The following HS6ST2 variants were observed in gnomAD, a reference collection of about 807,000 sequenced individuals.
HS6ST2 encodes the protein heparan-sulfate 6-O-sulfotransferase 2.
Under a neutral mutation model 33.0 loss-of-function variants are expected in HS6ST2, and 17 were observed. That is an observed-to-expected ratio of 0.52 (90% CI 0.35 to 0.77). The LOEUF (loss-of-function observed/expected upper bound fraction) is 0.77. HS6ST2 is among the 30% of genes least tolerant of loss of function. The pLI is 0.01. For missense variants in HS6ST2, 519 were observed against 551.7 expected, an observed-to-expected ratio of 0.94 and a Z score of 0.59; for synonymous variants, 248 against 237.1, an observed-to-expected ratio of 1.05 and a Z score of -0.42.
At chrX:132,841,076 A>G (rs2065702984) in intron 2 of HS6ST2, among the ~76,000 whole-genome samples, 1 of 111,925 alleles carries the variant, frequency 8.9e-6, no homozygotes, top group Non-Finnish European at 1.9e-5. Flanking sequence ...CAATCACCCA[A>G]TTTCATACTT....
At chrX:132,938,458 T>A (rs934773443) in intron 2 of HS6ST2, among the ~76,000 whole-genome samples, 1 of 109,560 alleles carries the variant, frequency 9.1e-6, no homozygotes, top group African/African-American at 3.3e-5. Context: ...CTGGGCAACA[T>A]AGCAAGACCC....
intron 3 of HS6ST2, among the ~76,000 whole-genome samples, chrX:132,690,472 T>C (rs1488212521): frequency 4.3e-4 from 48 of 112,173 alleles, no homozygotes; most frequent in Non-Finnish European, 1.9e-4. Context: ...GTAGGAATTT[T>C]GAAAAAAGAG....
chrX:132,821,314 G>A (rs1029685128), intron 2 of HS6ST2, among the ~76,000 whole-genome samples: 6 of 103,794 alleles, frequency 5.8e-5, no homozygotes, highest in Admixed American at 1.1e-4. Flanking sequence ...CCGGGTTCAC[G>A]CCATTCTCCT....
chrX:132,896,384 TG>T (rs1326747862), intron 2 of HS6ST2, among the ~76,000 whole-genome samples: 2 of 108,101 alleles, frequency 1.9e-5, no homozygotes, highest in African/African-American at 6.8e-5. Context: ...GGTGGGAGAA[TG>T]TCATAAACCC....
At position 132,638,993 on chromosome X, in the gene HS6ST2, A is replaced by C. The variant is rs148896455; in HGVS notation, c.1068-9900T>G. Among the ~76,000 whole-genome samples, 75 of 112,406 alleles carry C rather than the reference A, an allele frequency of 6.7e-4. No individual in the cohort carries two copies. The East Asian group carries it at 0.011, about 16-fold the overall frequency. ...AAACCCATCTGTGTGTATTGTGGGGAGTGCTCAAAGGAGCACAAATGGGCT... is the reference window on the plus strand; with the variant it reads ...AAACCCATCTGTGTGTATTGTGGGGCGTGCTCAAAGGAGCACAAATGGGCT... On this transcript the variant is annotated intron_variant, in intron 4 of 4. Coordinates refer to ENST00000370833, the MANE Select transcript of HS6ST2 (RefSeq NM_001394073.1).
At chrX:132,630,743 T>G (rs1024460561) in intron 4 of HS6ST2, among the ~76,000 whole-genome samples, 4 of 111,125 alleles carry the variant, frequency 3.6e-5, no homozygotes, top group African/African-American at 1.3e-4. Context: ...GGTAAGGAGT[T>G]TGAGACCAGC....
intron 2 of HS6ST2, among the ~76,000 whole-genome samples, chrX:132,930,522 T>C (rs1432056849): frequency 9.0e-6 from 1 of 110,872 alleles, no homozygotes; most frequent in Non-Finnish European, 1.9e-5. Flanking sequence ...ACCAGAGACA[T>C]TGAGGCAGGC....
chrX:132,907,711 C>T (rs1031460802), intron 2 of HS6ST2: 1 of 111,720 alleles, frequency 9.0e-6, no homozygotes, highest in Non-Finnish European at 1.9e-5. Context: ...TGGGTCAAGT[C>T]GACGTCCACA....
intron 2 of HS6ST2, among the ~76,000 whole-genome samples, chrX:132,866,064 T>C (rs1156447916): frequency 9.0e-6 from 1 of 111,019 alleles, no homozygotes; most frequent in Non-Finnish European, 1.9e-5. Flanking sequence ...CATGCCTATG[T>C]CCTGAATGGT....
chrX:132,636,708 C>T (rs2148600530), intron 4 of HS6ST2, among the ~76,000 whole-genome samples: 1 of 111,361 alleles, frequency 9.0e-6, no homozygotes, highest in African/African-American at 3.3e-5. Flanking sequence ...ATTTCTGGGC[C>T]GAAGTCCTGT....
At chrX:132,872,263 C>G (rs746919206) in intron 2 of HS6ST2, among the ~76,000 whole-genome samples, 1 of 111,900 alleles carries the variant, frequency 8.9e-6, no homozygotes, top group Non-Finnish European at 1.9e-5. Context: ...TAAATAAGGT[C>G]CTTGTACTAG....
chrX:132,865,950 A>G (rs376522837), intron 2 of HS6ST2, among the ~76,000 whole-genome samples: 43 of 111,332 alleles, frequency 3.9e-4, no homozygotes, highest in Non-Finnish European at 7.4e-4. Context: ...TCTGATGGTA[A>G]TTTCTTTTTC....
chrX:132,672,149 T>C (rs1364739899), intron 3 of HS6ST2, among the ~76,000 whole-genome samples: 1 of 111,287 alleles, frequency 9.0e-6, no homozygotes, highest in Non-Finnish European at 1.9e-5. Flanking sequence ...CTGCAGACTG[T>C]CTGGGAACTT....
intron 2 of HS6ST2, among the ~76,000 whole-genome samples, chrX:132,773,584 T>C (rs1196181250): frequency 9.0e-6 from 1 of 111,328 alleles, no homozygotes; most frequent in Admixed American, 9.7e-5. Context: ...CAAATGTCCA[T>C]CAATGGATAA....
intron 2 of HS6ST2, among the ~76,000 whole-genome samples, chrX:132,817,672 G>A (rs1198847157): frequency 8.9e-6 from 1 of 111,773 alleles, no homozygotes; most frequent in African/African-American, 3.3e-5. Flanking sequence ...ATCCCATTAT[G>A]TGTCGGGCAC....
chrX:132,802,763 G>A (rs1382350659), intron 2 of HS6ST2, among the ~76,000 whole-genome samples: 1 of 109,321 alleles, frequency 9.1e-6, no homozygotes, highest in African/African-American at 3.3e-5. Flanking sequence ...GCTCAGCAAA[G>A]TTTCAGTGTC....
chrX:132,687,850 G>A (rs1050467921), intron 3 of HS6ST2, among the ~76,000 whole-genome samples: 1 of 111,187 alleles, frequency 9.0e-6, no homozygotes, highest in Non-Finnish European at 1.9e-5. Context: ...CCAGGTGCAA[G>A]TGATTCTCCT....
At chrX:132,703,622 A>T (rs914705563) in intron 3 of HS6ST2, among the ~76,000 whole-genome samples, 2 of 112,433 alleles carry the variant, frequency 1.8e-5, no homozygotes, top group Admixed American at 1.9e-4. Context: ...ATTAACCAGG[A>T]GTTGTCTATT....
chrX:132,743,164 G>A (rs57466951), intron 2 of HS6ST2, among the ~76,000 whole-genome samples: 1 of 112,643 alleles, frequency 8.9e-6, no homozygotes, highest in African/African-American at 3.2e-5. Context: ...CAAAACCCAA[G>A]AGATATTTGA....
Sources: allele counts gnomAD v4.1 joint callset (sites outside exome capture counted in the v4.1 genomes callset), GRCh38; gene constraint gnomAD v4.1.1; transcripts MANE v1.5; gene names NCBI Gene and HGNC (gene_info 2026-07-23, HGNC 2026-07-21).